Variants in ZNF33B observed in about 807,000 individuals in gnomAD.
ZNF33B encodes zinc finger protein 11b (KOX 2).
Under a neutral mutation model 45.8 loss-of-function variants are expected in ZNF33B, and 29 were observed. That is an observed-to-expected ratio of 0.63 (90% confidence interval 0.47 to 0.86). ZNF33B has a LOEUF of 0.86. Among genes scored for constraint, ZNF33B ranks in the 40% least tolerant of loss-of-function variants. The pLI is 0.00. For synonymous variants in ZNF33B, 305 were observed against 307.8 expected (o/e 0.99, Z 0.10); for missense variants, 831 against 909.9 (o/e 0.91, Z 1.12).
chr10:42,620,474 C>T (rs895361674), intron 4 of ZNF33B, among the ~76,000 whole-genome samples: 10 of 152,014 alleles, frequency 6.6e-5, no homozygotes, highest in Non-Finnish European at 1.3e-4. Flanking sequence ...ACAAACAGGA[C>T]TCAATGCACC....
intron 4 of ZNF33B, among the ~76,000 whole-genome samples, chr10:42,596,109 T>C (rs531509366): frequency 6.6e-6 from 1 of 151,806 alleles, no homozygotes; most frequent in East Asian, 1.9e-4. Flanking sequence ...AGTATATATG[T>C]TATTGCAGTC....
chr10:42,600,468 T>C (rs1837572916), intron 4 of ZNF33B, among the ~76,000 whole-genome samples: 3 of 152,206 alleles, frequency 2.0e-5, no homozygotes, highest in African/African-American at 7.2e-5. Context: ...TGAAAGCTAC[T>C]TCATCTGGCT....
chr10:42,580,503 G>A (rs1027122135), intron 1 of ZNF33B, among the ~76,000 whole-genome samples: 1 of 151,844 alleles, frequency 6.6e-6, no homozygotes, highest in Non-Finnish European at 1.5e-5. Context: ...CTCCCAAAGT[G>A]CTGGGGTTAC....
intron 4 of ZNF33B, among the ~76,000 whole-genome samples, chr10:42,622,498 G>A (rs74137911): frequency 0.11 from 17,159 of 152,128 alleles, 1,167 homozygotes; most frequent in African/African-American, 0.19. Context: ...ACAGACAAAC[G>A]GAATACAAGT....
chr10:42,587,647 T>C (rs1836961638), downstream of ZNF33B, among the ~76,000 whole-genome samples: 1 of 152,176 alleles, frequency 6.6e-6, no homozygotes, highest in Non-Finnish European at 1.5e-5. Context: ...ATTCTGTGGC[T>C]CAGGTGCAGG....
chr10:42,635,185 G>A (rs1839232808), intron 2 of ZNF33B, among the ~76,000 whole-genome samples: 1 of 151,372 alleles, frequency 6.6e-6, no homozygotes, highest in Admixed American at 6.6e-5. Context: ...AGGCTGCAGT[G>A]AGCCAAGATC....
At chr10:42,629,701 C>T (rs1838966345) in intron 4 of ZNF33B, among the ~76,000 whole-genome samples, 1 of 152,048 alleles carries the variant, frequency 6.6e-6, no homozygotes, top group Non-Finnish European at 1.5e-5. Flanking sequence ...CTCTGTTAGG[C>T]TGCTATTTGT....
chr10:42,620,314 G>A (rs1391781684), intron 4 of ZNF33B, among the ~76,000 whole-genome samples: 1 of 151,914 alleles, frequency 6.6e-6, no homozygotes, highest in African/African-American at 2.4e-5. Context: ...AATGCAATAT[G>A]GCAGAAGTGT....
At chr10:42,602,859 G>GCTAAT (rs71014275) in intron 4 of ZNF33B, among the ~76,000 whole-genome samples, 41,355 of 151,582 alleles carry the variant, frequency 0.27, 6,818 homozygotes, top group Non-Finnish European at 0.38. Flanking sequence ...ATATACATGA[G>GCTAAT]CTGATTAGTA....
chr10:42,626,685 C>CTAAATAAATAAATAAA (rs34210822), intron 4 of ZNF33B, among the ~76,000 whole-genome samples: 41 of 142,464 alleles, frequency 2.9e-4, no homozygotes, highest in Admixed American at 6.4e-4. Flanking sequence ...AAGACTCCAT[C>CTAAATAAATAAATAAA]TAAATAAATA....
intron 2 of ZNF33B, chr10:42,632,804 G>A: frequency 3.9e-6 from 1 of 255,636 alleles, no homozygotes; most frequent in Middle Eastern, 4.2e-4. Flanking sequence ...GAGTTTCACT[G>A]AGGAAGTATA....
Position 42,590,196 on chromosome 10 carries a change from CTTGTAATGTTTT to C in ZNF33B, c.*2405_*2416del, listed in dbSNP as rs1837058047. ...AAATATTGATCTGTAGTTTTCCTTT[CTTGTAATGTTTT>C]TGCCTGGCTTTGGTATTAGGGTAAT... is the stretch of plus-strand genomic sequence containing the variant. On this transcript the variant is annotated 3_prime_UTR_variant, in exon 5 of 5. Coordinates refer to ENST00000359467, the MANE Select transcript of ZNF33B (RefSeq NM_006955.3). 1 of 111,354 alleles carries C rather than the reference CTTGTAATGTTTT, an allele frequency of 9.0e-6. No individual in the cohort carries two copies. The highest frequency in any genetic ancestry group is 9.7e-5 in the Admixed American group (1 of 10,296). The allele number at this position is 111,354 out of a possible 1,614,324, so 6.9% of individuals were successfully genotyped here. A position where few individuals can be genotyped will look rare whatever the true frequency, so the allele number is the denominator to read the frequency against.
chr10:42,597,098 TGA>T (rs1837430228), intron 4 of ZNF33B, among the ~76,000 whole-genome samples: 2 of 152,092 alleles, frequency 1.3e-5, no homozygotes, highest in Non-Finnish European at 2.9e-5. Flanking sequence ...ATTCTTCATT[TGA>T]GAGTTTTAAT....
chr10:42,604,814 T>C (rs1837769975), intron 4 of ZNF33B, among the ~76,000 whole-genome samples: 1 of 151,698 alleles, frequency 6.6e-6, no homozygotes. Flanking sequence ...CCAGCTACTC[T>C]GGAGGCTGAG....
rs764575569 is a variant in ZNF33B, at chr10:42,594,604, T to C, written c.346A>G (p.Lys116Glu). 6.2e-6 allele frequency: 10 copies of C among 1,610,416 alleles called. No homozygotes were observed. The African/African-American group carries it at 9.4e-5, about 15-fold the overall frequency. The stretch of plus-strand genomic sequence containing the variant: ...ATTCCTATTACATTACCTTGTTCCT[T>C]AGTCAGCATTTCATTATTGATGAAT... ...VVFINNEMLTKEQGNVIGIPF... is the reference protein window; with the variant it reads ...VVFINNEMLTEEQGNVIGIPF... The change falls in exon 5 of 5, where the codon AAG (lysine) becomes GAG (glutamate). Residue 116 changes from lysine (K) to glutamate (E), a missense_variant. Physicochemically the swap from Lys to Glu is moderately conservative, Grantham distance 56. Transcript: ENST00000359467.
chr10:42,602,842 T>G (rs1331215372), intron 4 of ZNF33B, among the ~76,000 whole-genome samples: 1 of 145,384 alleles, frequency 6.9e-6, no homozygotes, highest in African/African-American at 2.5e-5. Flanking sequence ...ATTTCACTCA[T>G]TTCCTCATAT....
At chr10:42,583,181 T>C (rs562910230) in intron 1 of ZNF33B, 1 of 749,492 alleles carries the variant, frequency 1.3e-6, no homozygotes, top group African/African-American at 1.7e-5. Context: ...TTAGGGTTGA[T>C]GTGAAGATGG....
At chr10:42,616,728 GCT>G (rs1838335478) in intron 4 of ZNF33B, among the ~76,000 whole-genome samples, 1 of 151,944 alleles carries the variant, frequency 6.6e-6, no homozygotes, top group African/African-American at 2.4e-5. Flanking sequence ...ATGGAGTCTC[GCT>G]CTGTCGCCAG....
chr10:42,604,466 T>G (rs1241599060), intron 4 of ZNF33B, among the ~76,000 whole-genome samples: 1 of 151,934 alleles, frequency 6.6e-6, no homozygotes, highest in African/African-American at 2.4e-5. Flanking sequence ...AAAATAAAAA[T>G]AAATATGTTC....
Sources: allele counts gnomAD v4.1 joint callset (sites outside exome capture counted in the v4.1 genomes callset), GRCh38; gene constraint gnomAD v4.1.1; transcripts MANE v1.5; gene names NCBI Gene and HGNC (gene_info 2026-07-23, HGNC 2026-07-21).